TSEN54: variants seen among roughly 807,000 people sequenced by gnomAD.
TSEN54 encodes tRNA-splicing endonuclease subunit Sen54.
TSEN54 carries 55 observed loss-of-function variants against 61.9 expected under a neutral mutation model. That is an observed-to-expected ratio of 0.89 (90% CI 0.72 to 1.11). TSEN54 has a LOEUF of 1.11. TSEN54 is among the 50% of genes most tolerant of loss of function. The probability of loss-of-function intolerance (pLI) is 0.00; values close to 1 mark genes in which losing one functional copy is unlikely to be tolerated. For synonymous variants in TSEN54, 304 were observed against 288.7 expected, an observed-to-expected ratio of 1.05 and a Z score of -0.54; for missense variants, 760 against 687.7, an observed-to-expected ratio of 1.11 and a Z score of -1.18.
In TSEN54 at chr17:75,517,103, C is replaced by T. The variant is rs1160281662; in HGVS notation, c.285+31C>T. 11 of 1,095,594 alleles carry T rather than the reference C, an allele frequency of 1.0e-5. No individual in the cohort carries two copies. In the East Asian group the frequency reaches 1.1e-4, roughly 11 times the overall value. The allele number at this position is 1,095,594 out of a possible 1,614,324, so 67.9% of individuals were successfully genotyped here. ...CGGCGGGCTCGGGGACCGGGGACCG[C>T]CCTCCCTGCCCTCCCTGCCCTCCCT... On this transcript the variant is annotated intron_variant, in intron 3 of 10. Transcript: ENST00000333213.
intron 5 of TSEN54, 190 bp from the exon 6 acceptor site, chr17:75,518,805 A>G: frequency 1.0e-6 from 1 of 985,388 alleles, no homozygotes; most frequent in Non-Finnish European, 1.2e-6. Context: ...GGAGGACAGG[A>G]ATTCAGAGCC....
Position 75,524,669 on chromosome 17 carries a change from T to C in TSEN54, c.*257T>C, listed in dbSNP as rs575118178. On this transcript the variant is annotated 3_prime_UTR_variant, in exon 11 of 11. Coordinates refer to ENST00000333213, the MANE Select transcript of TSEN54 (RefSeq NM_207346.3). ...AGGTGGGGCAGAAGAGAGGACTGTGTGCCTTTAACGAGAGGGTGCCTGCTT... is the reference window on the plus strand; with the variant it reads ...AGGTGGGGCAGAAGAGAGGACTGTGCGCCTTTAACGAGAGGGTGCCTGCTT... The C allele has an allele frequency of 7.2e-5, 42 of 583,928 alleles. 1 individual carries two copies. The African/African-American group carries it at 7.4e-4, about 10-fold the overall frequency. 36.2% of individuals were successfully genotyped at this position (583,928 alleles called of 1,614,324 possible).
intron 6 of TSEN54, among the ~76,000 whole-genome samples, chr17:75,519,790 C>G (rs1034643584): frequency 6.6e-6 from 1 of 152,120 alleles, no homozygotes; most frequent in Non-Finnish European, 1.5e-5. Flanking sequence ...CCAGGCTGGT[C>G]TCGAACTCCT....
rs772929120 is a variant in TSEN54, at chr17:75,517,225, C to T, written c.350C>T (p.Ala117Val). 8.1e-6 allele frequency: 13 copies of T among 1,602,024 alleles called. No individual in the cohort carries two copies. In the East Asian group the frequency reaches 2.9e-4, roughly 36 times the overall value. ...QGRQRLHPEE[A>V]LYLLECGSIH... ...CGGCAGCGCCTTCACCCGGAAGAGG[C>T]CTTGTATCTTCTGGAGTGTGTAAGT... Residue 117 changes from alanine (A) to valine (V), a missense_variant, in exon 4 of 11, where the codon GCC (alanine) becomes GTC (valine). Around this residue, in one of 3 missense-constraint regions of TSEN54, gnomAD observed 667 missense variants for 577.8 expected, o/e 1.15. Transcript: ENST00000333213.
At chr17:75,519,118 A>G in intron 6 of TSEN54, 71 bp downstream of exon 6, 1 of 1,566,634 alleles carries the variant, frequency 6.4e-7, no homozygotes, top group Non-Finnish European at 8.8e-7. Context: ...TAAGGTAGAA[A>G]ATGGCCTCTC....
intron 8 of TSEN54, 101 bp downstream of exon 8, chr17:75,522,434 G>C: frequency 6.6e-7 from 1 of 1,525,338 alleles, no homozygotes; most frequent in Non-Finnish European, 8.8e-7. Flanking sequence ...TGAGGCTTAA[G>C]GAAGATGTGG....
Position 75,517,245 on chromosome 17 carries a change from G to A in TSEN54, c.369+1G>A, listed in dbSNP as rs752888979. ...AGAGGCCTTGTATCTTCTGGAGTGT[G>A]TAAGTGGGGCCCGGGAGGTGGGGAA... On this transcript the variant is annotated splice_donor_variant, in intron 4 of 10. Transcript: ENST00000333213. LOFTEE classifies it high-confidence loss of function. The A allele has an allele frequency of 6.3e-7, 1 of 1,593,092 alleles. No homozygotes were observed. The highest frequency in any genetic ancestry group is 8.5e-7 in the Non-Finnish European group (1 of 1,170,052).
chr17:75,519,174 T>A, intron 6 of TSEN54, 127 bp downstream of exon 6: 1 of 1,049,090 alleles, frequency 9.5e-7, no homozygotes, highest in Middle Eastern at 2.0e-4. Context: ...GGGCACAGAC[T>A]GGGGGCGCCT....
chr17:75,521,550 T>C (rs2053427315), intron 7 of TSEN54, 40 bp downstream of exon 7: 3 of 1,603,756 alleles, frequency 1.9e-6, no homozygotes, highest in Non-Finnish European at 2.6e-6. Flanking sequence ...GGAGTGCTGG[T>C]GTCTGGGACC....
chr17:75,522,164 G>A lies in TSEN54; in HGVS notation c.1083G>A (p.Gln361=). The A allele has an allele frequency of 6.4e-7, 1 of 1,553,500 alleles. No individual in the cohort carries two copies. ...GGGAGCACCACGCGGAGGCCGCGCA[G>A]TTCCAGGAAGATGTCAACGCCGATC... ...REREHHAEAA[Q]FQEDVNADPE... Residue 361 remains glutamine, a synonymous_variant, in exon 8 of 11, where the codon CAG becomes CAA. Coordinates refer to ENST00000333213, the MANE Select transcript of TSEN54 (RefSeq NM_207346.3).
At position 75,523,353 on chromosome 17, in the gene TSEN54, G is replaced by T; in HGVS notation, c.1313+18G>T. 1 of 1,613,904 alleles carries T rather than the reference G, an allele frequency of 6.2e-7. No individual in the cohort carries two copies. Among genetic ancestry groups the T allele is most frequent in the Non-Finnish European group, 8.5e-7 (1 of 1,180,010 alleles). On this transcript the variant is annotated intron_variant, in intron 9 of 10. Transcript: ENST00000333213. Reference sequence around the variant, plus strand: ...GGTGCCCGGTAAGTTTCCAAGCAGTGCCGTCTCTGCAGTACCTTGACCGCC... The same window carrying T: ...GGTGCCCGGTAAGTTTCCAAGCAGTTCCGTCTCTGCAGTACCTTGACCGCC...
At chr17:75,523,062 C>G (rs1418607031) in intron 8 of TSEN54, 15 of 586,212 alleles carry the variant, frequency 2.6e-5, no homozygotes, top group Non-Finnish European at 4.7e-5. Context: ...ACTTATAATC[C>G]CAGCTACTCA....
chr17:75,523,453 A>G, intron 9 of TSEN54, 118 bp downstream of exon 9: 3 of 1,604,096 alleles, frequency 1.9e-6, no homozygotes, highest in East Asian at 2.2e-5. Flanking sequence ...TCCTACCCCT[A>G]CGCCTAGCTC....
chr17:75,518,445 A>G, intron 5 of TSEN54: 2 of 861,606 alleles, frequency 2.3e-6, no homozygotes, highest in Admixed American at 6.2e-5. Flanking sequence ...GCATCACAGA[A>G]GCCAAAAGAA....
At position 75,517,072 on chromosome 17, in the gene TSEN54, G is replaced by C. The variant is rs757071984; in HGVS notation, c.285G>C (p.Ala95=). 5 of 1,594,246 alleles carry C rather than the reference G, an allele frequency of 3.1e-6. No individual in the cohort carries two copies. In the East Asian group the frequency reaches 9.1e-5, roughly 29 times the overall value. ...EEGFVELKSP[A]GKFWQTMGFS... ...GCTTCGTGGAGTTGAAGTCTCCCGC[G>C]GTGAGCGGCGGGCTCGGGGACCGGG... Residue 95 remains alanine, a splice_region_variant and synonymous_variant, in exon 3 of 11, where the codon GCG becomes GCC. Transcript: ENST00000333213.
At chr17:75,523,902 G>A in intron 10 of TSEN54, 123 bp downstream of exon 10, 1 of 1,119,362 alleles carries the variant, frequency 8.9e-7, no homozygotes, top group Non-Finnish European at 1.3e-6. Flanking sequence ...GAGGTCCAGA[G>A]AGGCTAAGTG....
chr17:75,519,019 G>A lies in TSEN54; in HGVS notation c.493G>A (p.Gly165Ser). The change falls in exon 6 of 11, where the codon GGT (glycine) becomes AGT (serine). Residue 165 changes from glycine (G) to serine (S), a missense_variant. This residue lies in a region of TSEN54 where 667 missense variants were observed against 577.8 expected (regional missense o/e 1.15). Coordinates refer to ENST00000333213, the MANE Select transcript of TSEN54 (RefSeq NM_207346.3). ...YQVFSHLKRL[G>S]YVVRRFQPSS... ...GGTCTTCAGCCACCTGAAGAGGTTGGGTTATGTGGTTCGACGATTCCAACC... is the reference window on the plus strand; with the variant it reads ...GGTCTTCAGCCACCTGAAGAGGTTGAGTTATGTGGTTCGACGATTCCAACC... The A allele has an allele frequency of 1.2e-6, 2 of 1,614,018 alleles. No individual in the cohort carries two copies. The highest frequency in any genetic ancestry group is 2.2e-5 in the East Asian group (1 of 44,880).
In TSEN54 at chr17:75,516,826, A is replaced by G. The variant is rs1447888692; in HGVS notation, c.137A>G (p.Asp46Gly). The change falls in exon 2 of 11, where the codon GAC becomes GGC. Residue 46 changes from aspartate to glycine, a missense_variant. Around this residue, in one of 3 missense-constraint regions of TSEN54, gnomAD observed 667 missense variants for 577.8 expected, o/e 1.15. Transcript: ENST00000333213. ...CATGGCCCCAAGGACTTTCTGCCCG[A>G]CGGCTCGGCAGCTCAGGCCGAGCGG... ...RSHGPKDFLP[D>G]GSAAQAERLR... 6.3e-7 allele frequency: 1 copy of G among 1,591,274 alleles called. No individual in the cohort carries two copies. Among genetic ancestry groups the G allele is most frequent in the South Asian group, 1.1e-5 (1 of 90,298 alleles).
At chr17:75,522,979 G>A (rs898514364) in intron 8 of TSEN54, 16 of 401,734 alleles carry the variant, frequency 4.0e-5, no homozygotes, top group Admixed American at 2.5e-4. Context: ...TCAGGAGTTC[G>A]AGACCAACCT....
Sources: allele counts gnomAD v4.1 joint callset (sites outside exome capture counted in the v4.1 genomes callset), GRCh38; gene constraint gnomAD v4.1.1; regional missense constraint gnomAD v4.1.1; transcripts MANE v1.5; gene names NCBI Gene and HGNC (gene_info 2026-07-23, HGNC 2026-07-21).